Variants in KCNH7 observed in about 807,000 individuals in gnomAD.
KCNH7 encodes the protein potassium voltage-gated channel subfamily H member 7.
In KCNH7, 49 loss-of-function variants were observed where a neutral mutation model predicts 120.8. The observed-to-expected ratio is 0.41, with a 90% CI of 0.32 to 0.51. The LOEUF is 0.51. Among genes scored for constraint, KCNH7 ranks in the 20% least tolerant of loss-of-function variants. The pLI is 0.38. For synonymous variants in KCNH7, 547 were observed against 516.1 expected (o/e 1.06, Z -0.81); for missense variants, 1,097 against 1,446.6 (o/e 0.76, Z 3.92).
chr2:162,543,077 C>T (rs1295438575), intron 2 of KCNH7, among the ~76,000 whole-genome samples: 1 of 152,004 alleles, frequency 6.6e-6, no homozygotes, highest in Non-Finnish European at 1.5e-5. Context: ...AATACTTGCC[C>T]GTTTCTCTCA....
intron 5 of KCNH7, among the ~76,000 whole-genome samples, chr2:162,510,799 A>G (rs1464494799): frequency 1.3e-5 from 2 of 151,718 alleles, no homozygotes; most frequent in Non-Finnish European, 3.0e-5. Context: ...CCTAATTAGC[A>G]ATGTTAATGG....
chr2:162,564,108 G>A (rs1055673072), intron 2 of KCNH7, among the ~76,000 whole-genome samples: 5 of 151,880 alleles, frequency 3.3e-5, no homozygotes, highest in Non-Finnish European at 7.4e-5. Flanking sequence ...GTTTACTTTA[G>A]AAAACTTCTT....
Position 162,726,128 on chromosome 2 carries a change from A to G in KCNH7, c.307+110409T>C, listed in dbSNP as rs1027988934. On this transcript the variant is annotated intron_variant, in intron 2 of 15. Coordinates refer to ENST00000332142, the MANE Select transcript of KCNH7 (RefSeq NM_033272.4). Reference sequence around the variant, plus strand: ...TTGATCTATAGATTTTTACCTATAAATTTTCATCTATAATTTTGATCTATA... The same window carrying G: ...TTGATCTATAGATTTTTACCTATAAGTTTTCATCTATAATTTTGATCTATA... 7.2e-5 allele frequency among the ~76,000 whole-genome samples: 11 copies of G among 152,068 alleles called. 1 individual carries two copies. The highest frequency in any genetic ancestry group is 6.3e-3 in the Middle Eastern group (2 of 316).
intron 6 of KCNH7, among the ~76,000 whole-genome samples, chr2:162,448,931 G>A (rs1316436210): frequency 1.3e-5 from 2 of 151,934 alleles, no homozygotes; most frequent in African/African-American, 4.8e-5. Context: ...GGAGTAGGTG[G>A]GTAGTCTTCA....
chr2:162,515,059 TAA>T (rs762471769), intron 4 of KCNH7, among the ~76,000 whole-genome samples: 4 of 151,820 alleles, frequency 2.6e-5, no homozygotes, highest in Non-Finnish European at 5.9e-5. Flanking sequence ...TACCAAATTA[TAA>T]AGTCTTAGGG....
At chr2:162,633,892 A>G (rs1419045972) in intron 2 of KCNH7, among the ~76,000 whole-genome samples, 1 of 152,024 alleles carries the variant, frequency 6.6e-6, no homozygotes, top group South Asian at 2.1e-4. Context: ...CCAGCATTGA[A>G]TTTTTTCATC....
chr2:162,689,534 A>G (rs1301385334), intron 2 of KCNH7, among the ~76,000 whole-genome samples: 1 of 152,160 alleles, frequency 6.6e-6, no homozygotes, highest in East Asian at 1.9e-4. Flanking sequence ...TGAAAAAGCA[A>G]ACACAATGCC....
At position 162,803,309 on chromosome 2, in the gene KCNH7, A is replaced by G. The variant is rs145392296; in HGVS notation, c.307+33228T>C. 4.7e-3 allele frequency among the ~76,000 whole-genome samples: 710 copies of G among 151,918 alleles called. 4 individuals are homozygous for G. Among genetic ancestry groups the G allele is most frequent in the African/African-American group, 0.016 (650 of 41,544 alleles). On this transcript the variant is annotated intron_variant, in intron 2 of 15. Coordinates refer to ENST00000332142, the MANE Select transcript of KCNH7 (RefSeq NM_033272.4). Reference sequence around the variant, plus strand: ...ACAAAAGAAAAAGTATTAGTTTGAAAGTAATTCTGGATTAGCTGCCAATGA... The same window carrying G: ...ACAAAAGAAAAAGTATTAGTTTGAAGGTAATTCTGGATTAGCTGCCAATGA...
At chr2:162,459,663 A>T (rs1243286496) in intron 6 of KCNH7, among the ~76,000 whole-genome samples, 2 of 152,144 alleles carry the variant, frequency 1.3e-5, no homozygotes, top group African/African-American at 4.8e-5. Context: ...CAAATTGAGA[A>T]CTGATGTTAA....
chr2:162,799,180 T>C (rs1684253727), intron 2 of KCNH7, among the ~76,000 whole-genome samples: 1 of 151,958 alleles, frequency 6.6e-6, no homozygotes. Context: ...CAAGATGTTT[T>C]CTCCTTTTTA....
chr2:162,435,969 A>G (rs1688221909), intron 7 of KCNH7, among the ~76,000 whole-genome samples: 1 of 152,160 alleles, frequency 6.6e-6, no homozygotes, highest in Non-Finnish European at 1.5e-5. Flanking sequence ...AAACAAACAG[A>G]CATGGTTACT....
chr2:162,487,951 C>T (rs1436292685), intron 6 of KCNH7, among the ~76,000 whole-genome samples: 1 of 152,222 alleles, frequency 6.6e-6, no homozygotes, highest in African/African-American at 2.4e-5. Context: ...AATTCTTGCT[C>T]TCTGATACAT....
intron 5 of KCNH7, among the ~76,000 whole-genome samples, chr2:162,508,597 AT>A (rs1411646571): frequency 4.0e-5 from 6 of 151,480 alleles, no homozygotes; most frequent in Non-Finnish European, 7.4e-5. Context: ...CTAAATGCAA[AT>A]GAAAAAAATT....
At chr2:162,601,426 T>TTTTTTTTG (rs1694551852) in intron 2 of KCNH7, among the ~76,000 whole-genome samples, 1 of 132,044 alleles carries the variant, frequency 7.6e-6, no homozygotes, top group African/African-American at 2.9e-5. Flanking sequence ...TTTTTTTTTT[T>TTTTTTTTG]GCTTACTTTG....
At chr2:162,395,919 T>C (rs1467878390) in intron 11 of KCNH7, among the ~76,000 whole-genome samples, 1 of 151,720 alleles carries the variant, frequency 6.6e-6, no homozygotes, top group Non-Finnish European at 1.5e-5. Context: ...AGCATTTAAA[T>C]ACACTGGCAA....
chr2:162,713,868 C>A (rs538541300), intron 2 of KCNH7, among the ~76,000 whole-genome samples: 1 of 152,142 alleles, frequency 6.6e-6, no homozygotes, highest in Non-Finnish European at 1.5e-5. Context: ...CCTGCCTCAG[C>A]CTCCCGGGTA....
chr2:162,374,100 T>A (rs970388576), intron 14 of KCNH7, among the ~76,000 whole-genome samples: 1 of 152,252 alleles, frequency 6.6e-6, no homozygotes, highest in Non-Finnish European at 1.5e-5. Context: ...TAATTTCTTA[T>A]GTGTTTTTAC....
chr2:162,826,292 G>A (rs1357857873), intron 2 of KCNH7, among the ~76,000 whole-genome samples: 1 of 152,084 alleles, frequency 6.6e-6, no homozygotes, highest in Non-Finnish European at 1.5e-5. Context: ...GGAGGGCTGG[G>A]ATGGTTTGTA....
chr2:162,731,571 G>C (rs2105392602), intron 2 of KCNH7, among the ~76,000 whole-genome samples: 1 of 151,762 alleles, frequency 6.6e-6, no homozygotes, highest in East Asian at 1.9e-4. Flanking sequence ...GCAGAAAGTA[G>C]AGCTATTTTA....
Sources: gnomAD v4.1 joint callset for allele counts (sites outside exome capture counted in the v4.1 genomes callset) on GRCh38, gnomAD v4.1.1 for gene constraint, MANE v1.5 for transcripts, NCBI Gene and HGNC (gene_info 2026-07-23, HGNC 2026-07-21) for gene names.